The following USP14 variants were observed in gnomAD, a reference collection of about 807,000 sequenced individuals.
The protein encoded by USP14 is ubiquitin carboxyl-terminal hydrolase 14.
USP14 carries 38 observed loss-of-function variants against 76.5 expected under a neutral mutation model. The ratio of observed to expected loss-of-function variants is 0.50; its 90% confidence interval spans 0.38 to 0.65. The LOEUF (loss-of-function observed/expected upper bound fraction) is 0.65. Ranked by LOEUF, USP14 falls within the 30% of genes least tolerant of loss-of-function variation. The pLI is 0.00. For synonymous variants in USP14, 192 were observed against 191.7 expected (o/e 1.00, Z -0.01); for missense variants, 467 against 586.5 (o/e 0.80, Z 2.10).
intron 3 of USP14, among the ~76,000 whole-genome samples, chr18:168,795 G>A (rs940930816): frequency 1.4e-4 from 21 of 151,960 alleles, no homozygotes; most frequent in African/African-American, 4.1e-4. Context: ...AAGAGTGGCC[G>A]GGCGCGGTGG....
intron 4 of USP14, 73 bp downstream of exon 4, chr18:179,110 G>A: frequency 9.7e-7 from 1 of 1,033,506 alleles, no homozygotes; most frequent in Non-Finnish European, 1.4e-6. Context: ...CTTTCAGAAA[G>A]TAGCATCTGA....
chr18:205,100 T>C lies in USP14; in HGVS notation c.1164+408T>C, dbSNP rs369723288. On this transcript the variant is annotated intron_variant, in intron 13 of 15. Coordinates refer to ENST00000261601, the MANE Select transcript of USP14 (RefSeq NM_005151.4). ...CATGTTGCTGAGGCTAGTCTCGAACTCCTGAGCTCAGGCGATCTGCCCACC... is the reference window on the plus strand; with the variant it reads ...CATGTTGCTGAGGCTAGTCTCGAACCCCTGAGCTCAGGCGATCTGCCCACC... Among the ~76,000 whole-genome samples, 67 of 152,184 alleles carry C rather than the reference T, an allele frequency of 4.4e-4. 1 individual carries two copies. In the East Asian group the frequency reaches 0.011, roughly 25 times the overall value.
At chr18:171,047 TATATATATAA>T (rs1209182983) in intron 3 of USP14, among the ~76,000 whole-genome samples, 37 of 131,260 alleles carry the variant, frequency 2.8e-4, no homozygotes, top group African/African-American at 9.8e-4. Flanking sequence ...TATATATATA[TATATATATAA>T]ACTGAAGCTA....
chr18:184,680 A>G (rs1218455714), intron 5 of USP14, among the ~76,000 whole-genome samples: 1 of 152,048 alleles, frequency 6.6e-6, no homozygotes, highest in Non-Finnish European at 1.5e-5. Context: ...GAGGTGGGAG[A>G]TTGCTTGAGC....
chr18:196,914 A>G, intron 7 of USP14, 147 bp downstream of exon 7: 1 of 930,114 alleles, frequency 1.1e-6, no homozygotes, highest in Non-Finnish European at 1.5e-6. Context: ...GCCGCACAGT[A>G]GTCTTAACTG....
At position 171,022 on chromosome 18, in the gene USP14, AAAAATATAT is replaced by A. The variant is rs1189552149; in HGVS notation, c.195+4205_195+4213del. 3.4e-4 allele frequency among the ~76,000 whole-genome samples: 25 copies of A among 74,170 alleles called. 2 individuals are homozygous for A. The highest frequency in any genetic ancestry group is 8.4e-4 in the African/African-American group (16 of 19,036). 48.7% of individuals were successfully genotyped at this position (74,170 alleles called of 152,430 possible). ...TACCCTGGAACTTAAAAAAAAAAAA[AAAAATATAT>A]ATATATATATATATATATATATATA... On this transcript the variant is annotated intron_variant, in intron 3 of 15. Coordinates refer to ENST00000261601, the MANE Select transcript of USP14 (RefSeq NM_005151.4).
At chr18:161,868 TA>T (rs1321901667) in intron 1 of USP14, among the ~76,000 whole-genome samples, 1 of 152,230 alleles carries the variant, frequency 6.6e-6, no homozygotes, top group Non-Finnish European at 1.5e-5. Context: ...TTTATTGTGG[TA>T]AAATATATGT....
chr18:159,602 T>A (rs910284600), intron 1 of USP14, among the ~76,000 whole-genome samples: 9 of 152,204 alleles, frequency 5.9e-5, no homozygotes, highest in African/African-American at 2.4e-5. Flanking sequence ...ATGATACGAA[T>A]CAAGAGTATT....
At chr18:191,720 A>G (rs1598274456) in intron 5 of USP14, among the ~76,000 whole-genome samples, 1 of 152,174 alleles carries the variant, frequency 6.6e-6, no homozygotes, top group African/African-American at 2.4e-5. Context: ...TTGGAGATCC[A>G]TTCATATTAT....
chr18:168,473 C>T (rs1241181482), intron 3 of USP14, among the ~76,000 whole-genome samples: 1 of 151,830 alleles, frequency 6.6e-6, no homozygotes, highest in Admixed American at 6.6e-5. Context: ...CTTGCTTTGT[C>T]GCCCAGGCTG....
rs1417290590 is a variant in USP14 at position 211,114 on chromosome 18, T to G, written c.1334-19T>G. ...AATCCTGCATAACATTAATTCATCT[T>G]CTTGTCCCTGTTATTTAGATGAATG... is the stretch of plus-strand genomic sequence containing the variant. On this transcript the variant is annotated intron_variant, in intron 15 of 15. Transcript: ENST00000261601. 17 of 1,605,262 alleles carry G rather than the reference T, an allele frequency of 1.1e-5. No individual in the cohort carries two copies. The highest frequency in any genetic ancestry group is 1.4e-5 in the Non-Finnish European group (16 of 1,174,108).
chr18:174,708 G>C (rs1366869757), intron 3 of USP14, among the ~76,000 whole-genome samples: 7 of 151,764 alleles, frequency 4.6e-5, no homozygotes, highest in Admixed American at 4.6e-4. Context: ...GGGCTCAAGG[G>C]GTTCTCCCAC....
At chr18:204,423 A>C in intron 12 of USP14, 141 bp from the exon 13 acceptor site, 1 of 747,162 alleles carries the variant, frequency 1.3e-6, no homozygotes, top group South Asian at 2.6e-5. Flanking sequence ...AGAGGTTTCA[A>C]CTGCAGATTT....
intron 3 of USP14, among the ~76,000 whole-genome samples, chr18:172,358 T>A (rs1012533780): frequency 6.6e-6 from 1 of 152,210 alleles, no homozygotes; most frequent in African/African-American, 2.4e-5. Context: ...AGTAATTTCT[T>A]GAGATAGACT....
chr18:214,611 G>GAAA lies in USP14; in HGVS notation c.*3335_*3337dup. Reference sequence around the variant, plus strand: ...AAATCTATCACAGTTTTAATAAAAAGAAAAAAAAAAGAAGCTAACTATTTG... The same window carrying GAAA: ...AAATCTATCACAGTTTTAATAAAAAGAAAAAAAAAAAAAGAAGCTAACTATTTG... On this transcript the variant is annotated 3_prime_UTR_variant, in exon 16 of 16. Transcript: ENST00000261601. 7.0e-7 allele frequency: 1 copy of GAAA among 1,422,542 alleles called. No homozygotes were observed. The highest frequency in any genetic ancestry group is 9.6e-7 in the Non-Finnish European group (1 of 1,046,756). The allele number at this position is 1,422,542 out of a possible 1,614,324, so 88.1% of individuals were successfully genotyped here.
intron 3 of USP14, among the ~76,000 whole-genome samples, chr18:178,612 TCAAA>T (rs1157470103): frequency 1.3e-5 from 2 of 152,220 alleles, no homozygotes; most frequent in Non-Finnish European, 2.9e-5. Context: ...TGCCTTGGCC[TCAAA>T]CAGCCACCCC....
At chr18:201,142 T>C (rs1910374578) in intron 10 of USP14, among the ~76,000 whole-genome samples, 1 of 152,156 alleles carries the variant, frequency 6.6e-6, no homozygotes. Flanking sequence ...CTAAACACAG[T>C]TGTATGAAAA....
chr18:159,775 GT>G (rs1175905637), intron 1 of USP14, among the ~76,000 whole-genome samples: 1 of 152,060 alleles, frequency 6.6e-6, no homozygotes, highest in Non-Finnish European at 1.5e-5. Flanking sequence ...AAACCCCTCT[GT>G]TTCCTCAAAA....
At chr18:205,258 CT>C (rs1405643461) in intron 13 of USP14, among the ~76,000 whole-genome samples, 1 of 152,112 alleles carries the variant, frequency 6.6e-6, no homozygotes, top group Non-Finnish European at 1.5e-5. Flanking sequence ...TAATATTTTC[CT>C]TCCCCCTGTA....
Sources: allele counts gnomAD v4.1 joint callset (sites outside exome capture counted in the v4.1 genomes callset), GRCh38; gene constraint gnomAD v4.1.1; transcripts MANE v1.5; gene names NCBI Gene and HGNC (gene_info 2026-07-23, HGNC 2026-07-21).